WSB1: variants seen among roughly 807,000 people sequenced by gnomAD.
WSB1 encodes the protein WD repeat and SOCS box containing 1.
WSB1 carries 23 observed loss-of-function variants against 50.2 expected under a neutral mutation model. That is an observed-to-expected ratio of 0.46 (90% confidence interval 0.33 to 0.65). The LOEUF (loss-of-function observed/expected upper bound fraction) is 0.65. WSB1 is among the 30% of genes least tolerant of loss of function. WSB1 has a pLI of 0.02. For synonymous variants in WSB1, 179 were observed against 172.0 expected (o/e 1.04, Z -0.32); for missense variants, 492 against 522.3 (o/e 0.94, Z 0.56).
chr17:27,311,633 CTTTTTTTTTTTTTTTTTT>C lies in WSB1; in HGVS notation c.1106+26_1106+43del. ...AGCTGCTGGGTAAATATATTTTTCT[CTTTTTTTTTTTTTTTTTT>C]TTTTTTTTGAGATGTAGTCTCCCAG... On this transcript the variant is annotated intron_variant, in intron 8 of 8. Transcript: ENST00000262394. 1 of 490,708 alleles carries C rather than the reference CTTTTTTTTTTTTTTTTTT, an allele frequency of 2.0e-6. No homozygotes were observed. The allele number at this position is 490,708 out of a possible 1,614,324, so 30.4% of individuals were successfully genotyped here. A position where few individuals can be genotyped will look rare whatever the true frequency, so the allele number is the denominator to read the frequency against.
chr17:27,313,652 T>A lies in WSB1; in HGVS notation c.*1283T>A, dbSNP rs2017776482. The stretch of plus-strand genomic sequence containing the variant: ...AAAAACAGTATATTGCAAATGTTTC[T>A]TAAATAGGTTAGGTGGAGTACTTTC... On this transcript the variant is annotated 3_prime_UTR_variant, in exon 9 of 9. Transcript: ENST00000262394. The A allele has an allele frequency of 6.6e-6, 1 of 152,324 alleles. No individual in the cohort carries two copies. The highest frequency in any genetic ancestry group is 1.5e-5 in the Non-Finnish European group (1 of 68,022). 9.4% of individuals were successfully genotyped at this position (152,324 alleles called of 1,614,324 possible).
intron 1 of WSB1, among the ~76,000 whole-genome samples, chr17:27,299,745 A>T (rs2017147370): frequency 6.6e-6 from 1 of 152,208 alleles, no homozygotes; most frequent in African/African-American, 2.4e-5. Context: ...GATTGAAAGG[A>T]TAGAGATCTC....
At chr17:27,308,264 TAAA>T in intron 5 of WSB1, 20 of 986,030 alleles carry the variant, frequency 2.0e-5, no homozygotes, top group Non-Finnish European at 2.3e-5. Context: ...TGTCTTAGGA[TAAA>T]CCTCCAAGCT....
chr17:27,309,055 T>A (rs138223081), intron 5 of WSB1, 45 bp from the exon 6 acceptor site: 39 of 1,515,390 alleles, frequency 2.6e-5, no homozygotes, highest in Middle Eastern at 3.5e-4. Flanking sequence ...CATTTTGTCC[T>A]CTGTATGTCT....
chr17:27,306,831 T>C lies in WSB1; in HGVS notation c.660T>C (p.Cys220=). Residue 220 remains cysteine, a synonymous_variant, in exon 5 of 9, where the codon TGT becomes TGC. Coordinates refer to ENST00000262394, the MANE Select transcript of WSB1 (RefSeq NM_015626.10). ...GGCATCAGAATTGGGTGTACAGCTG[T>C]GCATTCTCTCCTGACTCTTCTATGC... ...LRGHQNWVYS[C]AFSPDSSMLC... is the part of the protein sequence containing the mutation. The C allele has an allele frequency of 6.2e-7, 1 of 1,614,196 alleles. No individual in the cohort carries two copies. The highest frequency in any genetic ancestry group is 8.5e-7 in the Non-Finnish European group (1 of 1,180,032).
intron 3 of WSB1, 106 bp from the exon 4 acceptor site, chr17:27,304,674 T>C: frequency 8.7e-7 from 1 of 1,156,008 alleles, no homozygotes. Context: ...ATTACGCCAT[T>C]GCACTCCAGC....
In WSB1 at chr17:27,311,128, G is replaced by T. The variant is rs1452592507; in HGVS notation, c.999-381G>T. Among the ~76,000 whole-genome samples, 8 of 152,160 alleles carry T rather than the reference G, an allele frequency of 5.3e-5. No homozygotes were observed. In the East Asian group the frequency reaches 1.2e-3, roughly 22 times the overall value. On this transcript the variant is annotated intron_variant, in intron 7 of 8. Transcript: ENST00000262394. ...CGGCCTCCCAAAGTGGTGGGATTATGGTTGTGAGCTACCAGGCCCACCTAG... is the reference window on the plus strand; with the variant it reads ...CGGCCTCCCAAAGTGGTGGGATTATTGTTGTGAGCTACCAGGCCCACCTAG...
In WSB1 at chr17:27,313,628, A is replaced by G. The variant is rs147206852; in HGVS notation, c.*1259A>G. 2.6e-4 allele frequency: 40 copies of G among 152,642 alleles called. 1 individual carries two copies. Among genetic ancestry groups the G allele is most frequent in the Admixed American group, 1.8e-3 (27 of 15,296 alleles). The allele number at this position is 152,642 out of a possible 1,614,324, so 9.5% of individuals were successfully genotyped here. On this transcript the variant is annotated 3_prime_UTR_variant, in exon 9 of 9. Coordinates refer to ENST00000262394, the MANE Select transcript of WSB1 (RefSeq NM_015626.10). The stretch of plus-strand genomic sequence containing the variant: ...TTTAATTAAAGACTTGTAAAAAAAA[A>G]AAACAGTATATTGCAAATGTTTCTT...
chr17:27,296,397 A>G (rs1312845785), intron 1 of WSB1, among the ~76,000 whole-genome samples: 2 of 151,582 alleles, frequency 1.3e-5, no homozygotes, highest in African/African-American at 4.9e-5. Flanking sequence ...TTGAATTATC[A>G]TTTGGATACA....
At position 27,294,293 on chromosome 17, in the gene WSB1, G is replaced by T; in HGVS notation, c.-103G>T. 1 of 1,508,236 alleles carries T rather than the reference G, an allele frequency of 6.6e-7. No individual in the cohort carries two copies. Among genetic ancestry groups the T allele is most frequent in the Non-Finnish European group, 9.1e-7 (1 of 1,103,456 alleles). The allele number at this position is 1,508,236 out of a possible 1,614,324, so 93.4% of individuals were successfully genotyped here. A position where few individuals can be genotyped will look rare whatever the true frequency, so the allele number is the denominator to read the frequency against. On this transcript the variant is annotated 5_prime_UTR_variant, in exon 1 of 9. Transcript: ENST00000262394. ...CCCCGCCCGTCTCCTCTGTCCCTGG[G>T]CCCGGGAGGGACCAACTTGGCGTCA... is the stretch of plus-strand genomic sequence containing the variant.
chr17:27,315,335 A>T lies in WSB1; in HGVS notation c.*2966A>T, dbSNP rs560521467. On this transcript the variant is annotated 3_prime_UTR_variant, in exon 9 of 9. Transcript: ENST00000262394. ...ATGGAGTACATGTGAACATAGGAAA[A>T]TCACACTCAGCAGCCAAGCTATCCT... is the stretch of plus-strand genomic sequence containing the variant. 3.3e-5 allele frequency: 5 copies of T among 152,340 alleles called. No individual in the cohort carries two copies. The highest frequency in any genetic ancestry group is 2.1e-4 in the South Asian group (1 of 4,826). 9.4% of individuals were successfully genotyped at this position (152,340 alleles called of 1,614,324 possible).
chr17:27,309,503 A>G (rs1295307444), intron 6 of WSB1, among the ~76,000 whole-genome samples: 6 of 152,222 alleles, frequency 3.9e-5, no homozygotes, highest in African/African-American at 1.4e-4. Flanking sequence ...TCTCTATAGA[A>G]GTACTAATTA....
intron 5 of WSB1, chr17:27,307,874 T>A: frequency 6.9e-7 from 1 of 1,458,696 alleles, no homozygotes. Context: ...TACCATAGGA[T>A]GAAGTAACCT....
In WSB1 at chr17:27,303,470, G is replaced by A. The variant is rs750822051; in HGVS notation, c.313G>A (p.Asp105Asn). 3 of 1,613,996 alleles carry A rather than the reference G, an allele frequency of 1.9e-6. No individual in the cohort carries two copies. The highest frequency in any genetic ancestry group is 2.7e-5 in the African/African-American group (2 of 74,912). ...AAATAAGCCTCGTGAACATATTATA[G>A]ACTGTGGAGATATAGTCTGGAGTCT... ...QKNKPREHII[D>N]CGDIVWSLAF... is the part of the protein sequence containing the mutation. The change falls in exon 3 of 9, where the codon GAC becomes AAC. Residue 105 changes from aspartate to asparagine, a missense_variant. Asp to Asn is a conservative substitution (Grantham distance 23). Transcript: ENST00000262394.
In WSB1 at chr17:27,304,535, C is replaced by CAAAAAA. The variant is rs10660665; in HGVS notation, c.479-221_479-216dup. ...GCAACATAGTGAGACTCCATCTCTC[C>CAAAAAA]AAAAAAAAAAAAAAAAAAAAAAAAA... On this transcript the variant is annotated intron_variant, in intron 3 of 8. Coordinates refer to ENST00000262394, the MANE Select transcript of WSB1 (RefSeq NM_015626.10). Among the ~76,000 whole-genome samples the CAAAAAA allele has an allele frequency of 4.1e-4, 16 of 38,698 alleles. 2 individuals carry two copies. Among genetic ancestry groups the CAAAAAA allele is most frequent in the African/African-American group, 1.1e-3 (10 of 8,970 alleles). 25.4% of individuals were successfully genotyped at this position (38,698 alleles called of 152,430 possible).
rs2017310564 is a variant in WSB1, at chr17:27,303,314, A to C, written c.210-53A>C. 4.5e-6 allele frequency: 7 copies of C among 1,569,418 alleles called. No homozygotes were observed. The East Asian group carries it at 1.6e-4, about 35-fold the overall frequency. The stretch of plus-strand genomic sequence containing the variant: ...ACACTTGTAATTATTCAATGTCCAG[A>C]GGAGTCCAGAGTGAATAATAATACA... On this transcript the variant is annotated intron_variant, in intron 2 of 8. Coordinates refer to ENST00000262394, the MANE Select transcript of WSB1 (RefSeq NM_015626.10).
At chr17:27,302,592 C>T (rs567107231) in intron 2 of WSB1, 4 of 151,952 alleles carry the variant, frequency 2.6e-5, no homozygotes, top group African/African-American at 7.2e-5. Flanking sequence ...TTGGATAACC[C>T]TGGTGCATAG....
Position 27,301,976 on chromosome 17 carries a change from G to C in WSB1, c.209+20G>C, listed in dbSNP as rs1247440188. 1 of 1,523,836 alleles carries C rather than the reference G, an allele frequency of 6.6e-7. No homozygotes were observed. Among genetic ancestry groups the C allele is most frequent in the Non-Finnish European group, 8.8e-7 (1 of 1,141,072 alleles). The allele number at this position is 1,523,836 out of a possible 1,614,324, so 94.4% of individuals were successfully genotyped here. A position where few individuals can be genotyped will look rare whatever the true frequency, so the allele number is the denominator to read the frequency against. On this transcript the variant is annotated intron_variant, in intron 2 of 8. Coordinates refer to ENST00000262394, the MANE Select transcript of WSB1 (RefSeq NM_015626.10). ...GAACTTGTAAGACTGTTACTTTTCT[G>C]TATTTTGTATCTGTTTGTGGAATTT...
intron 1 of WSB1, among the ~76,000 whole-genome samples, chr17:27,295,098 T>A (rs1387194268): frequency 6.6e-6 from 1 of 152,196 alleles, no homozygotes; most frequent in African/African-American, 2.4e-5. Flanking sequence ...CTGGTCGGCT[T>A]AGTAAAGGGC....
Sources: gnomAD v4.1 joint callset for allele counts (sites outside exome capture counted in the v4.1 genomes callset) on GRCh38, gnomAD v4.1.1 for gene constraint, MANE v1.5 for transcripts, NCBI Gene and HGNC (gene_info 2026-07-23, HGNC 2026-07-21) for gene names.